Variants in HS6ST3 observed in about 807,000 individuals in gnomAD.
The protein encoded by HS6ST3 is heparan-sulfate 6-O-sulfotransferase 3.
HS6ST3 carries 12 observed loss-of-function variants against 36.7 expected under a neutral mutation model. The observed-to-expected ratio is 0.33, with a 90% CI of 0.21 to 0.53. The LOEUF is 0.53. Among genes scored for constraint, HS6ST3 ranks in the 20% least tolerant of loss-of-function variants. The probability of loss-of-function intolerance (pLI) is 0.95; values close to 1 mark genes in which losing one functional copy is unlikely to be tolerated. For synonymous variants in HS6ST3, 240 were observed against 257.5 expected (o/e 0.93, Z 0.65); for missense variants, 584 against 640.9 (o/e 0.91, Z 0.96).
intron 1 of HS6ST3, among the ~76,000 whole-genome samples, chr13:96,771,036 A>G (rs371788134): frequency 7.9e-5 from 12 of 152,216 alleles, no homozygotes; most frequent in East Asian, 5.8e-4. Context: ...AGTCTTTGCT[A>G]TTGTGAGTAG....
At position 96,090,633 on chromosome 13, in the gene HS6ST3, C is replaced by T. The variant is rs1283503597; in HGVS notation, c.-230C>T. Among the ~76,000 whole-genome samples, 1 of 146,298 alleles carries T rather than the reference C, an allele frequency of 6.8e-6. No homozygotes were observed. Among genetic ancestry groups the T allele is most frequent in the Non-Finnish European group, 1.5e-5 (1 of 65,844 alleles). Reference sequence around the variant, plus strand: ...AGCGCAGGGCGCCCCACGCCGCAGCCGCAGCCGAGCGCGCCGGCGCCCGCC... The same window carrying T: ...AGCGCAGGGCGCCCCACGCCGCAGCTGCAGCCGAGCGCGCCGGCGCCCGCC... On this transcript the variant is annotated 5_prime_UTR_variant, in exon 1 of 2. Transcript: ENST00000376705.
At chr13:96,734,304 T>C (rs189999848) in intron 1 of HS6ST3, among the ~76,000 whole-genome samples, 344 of 152,370 alleles carry the variant, frequency 2.3e-3, no homozygotes, top group Non-Finnish European at 3.2e-3. Context: ...CCTAGCTTGG[T>C]CATAGACTTT....
intron 1 of HS6ST3, among the ~76,000 whole-genome samples, chr13:96,133,130 AATT>A (rs2053984147): frequency 1.3e-5 from 2 of 151,652 alleles, no homozygotes; most frequent in African/African-American, 2.4e-5. Context: ...TTAATTAATT[AATT>A]ATTATTATTT....
At chr13:96,207,492 G>A (rs973193875) in intron 1 of HS6ST3, among the ~76,000 whole-genome samples, 12 of 151,928 alleles carry the variant, frequency 7.9e-5, no homozygotes, top group African/African-American at 2.9e-4. Flanking sequence ...ATACCCAAAG[G>A]AATAGAAATC....
chr13:96,429,041 A>G (rs1286945202), intron 1 of HS6ST3, among the ~76,000 whole-genome samples: 1 of 152,228 alleles, frequency 6.6e-6, no homozygotes, highest in Non-Finnish European at 1.5e-5. Context: ...AAGATATTTA[A>G]AGGCACAGAA....
chr13:96,332,727 A>G (rs1594755838), intron 1 of HS6ST3, among the ~76,000 whole-genome samples: 1 of 152,376 alleles, frequency 6.6e-6, no homozygotes, highest in Admixed American at 6.5e-5. Context: ...TTTGTACAGG[A>G]AATTGCTTAA....
At chr13:96,784,857 T>C (rs1437759010) in intron 1 of HS6ST3, among the ~76,000 whole-genome samples, 2 of 152,118 alleles carry the variant, frequency 1.3e-5, no homozygotes, top group Non-Finnish European at 2.9e-5. Flanking sequence ...GCTTTTAATG[T>C]AAAAATCAGT....
At chr13:96,682,902 T>C (rs1034937199) in intron 1 of HS6ST3, among the ~76,000 whole-genome samples, 1 of 152,090 alleles carries the variant, frequency 6.6e-6, no homozygotes, top group Non-Finnish European at 1.5e-5. Flanking sequence ...AGAAGCAACT[T>C]TATATGCTCC....
At chr13:96,698,826 A>C (rs932893914) in intron 1 of HS6ST3, among the ~76,000 whole-genome samples, 13 of 152,208 alleles carry the variant, frequency 8.5e-5, no homozygotes, top group East Asian at 1.9e-4. Context: ...AGCTGGAGGC[A>C]TCACGCTACC....
At chr13:96,725,113 A>G (rs1875970373) in intron 1 of HS6ST3, among the ~76,000 whole-genome samples, 2 of 152,084 alleles carry the variant, frequency 1.3e-5, no homozygotes, top group South Asian at 4.1e-4. Flanking sequence ...TTTAATTTGA[A>G]TTTTCCTAAT....
chr13:96,305,815 C>T (rs2054909494), intron 1 of HS6ST3, among the ~76,000 whole-genome samples: 1 of 148,550 alleles, frequency 6.7e-6, no homozygotes, highest in Non-Finnish European at 1.5e-5. Flanking sequence ...ATATTGTTAT[C>T]TGGGTCATTG....
intron 1 of HS6ST3, among the ~76,000 whole-genome samples, chr13:96,523,990 G>A (rs1432920463): frequency 1.3e-5 from 2 of 152,188 alleles, no homozygotes; most frequent in African/African-American, 4.8e-5. Flanking sequence ...CCTAATCTTT[G>A]TGGTTTTATC....
intron 1 of HS6ST3, among the ~76,000 whole-genome samples, chr13:96,105,652 A>G (rs1012335937): frequency 8.5e-5 from 13 of 152,074 alleles, no homozygotes; most frequent in African/African-American, 2.4e-4. Flanking sequence ...TCTGTCTCAA[A>G]AATAAAAATA....
intron 1 of HS6ST3, among the ~76,000 whole-genome samples, chr13:96,332,541 T>C (rs1420084479): frequency 1.3e-5 from 2 of 152,220 alleles, no homozygotes; most frequent in Non-Finnish European, 2.9e-5. Flanking sequence ...TTTGAAATGT[T>C]CCCTTGTTTT....
chr13:96,514,596 AGGC>A (rs1320820170), intron 1 of HS6ST3, among the ~76,000 whole-genome samples: 1 of 152,158 alleles, frequency 6.6e-6, no homozygotes, highest in Non-Finnish European at 1.5e-5. Context: ...CACAGCGAGA[AGGC>A]GGCTGCCGAC....
In HS6ST3 at chr13:96,666,472, G is replaced by A. The variant is rs113444570; in HGVS notation, c.708-166018G>A. 5.1e-4 allele frequency among the ~76,000 whole-genome samples: 78 copies of A among 151,722 alleles called. 1 individual carries two copies. Among genetic ancestry groups the A allele is most frequent in the African/African-American group, 1.7e-3 (71 of 41,376 alleles). ...CATCACATTCATGCTGTTTTTCCTCGTATAACTTTCTTTTCAATATTATTA... is the reference window on the plus strand; with the variant it reads ...CATCACATTCATGCTGTTTTTCCTCATATAACTTTCTTTTCAATATTATTA... On this transcript the variant is annotated intron_variant, in intron 1 of 1. Transcript: ENST00000376705.
intron 1 of HS6ST3, among the ~76,000 whole-genome samples, chr13:96,120,829 A>C (rs190024832): frequency 2.0e-3 from 306 of 152,352 alleles, no homozygotes; most frequent in Non-Finnish European, 3.4e-3. Flanking sequence ...ATCAGTTAAA[A>C]TGTATAAAAT....
chr13:96,731,044 G>A (rs1156510851), intron 1 of HS6ST3, among the ~76,000 whole-genome samples: 1 of 152,138 alleles, frequency 6.6e-6, no homozygotes, highest in Non-Finnish European at 1.5e-5. Context: ...GTTAAATTAA[G>A]TCAGTTAACA....
intron 1 of HS6ST3, among the ~76,000 whole-genome samples, chr13:96,360,099 G>A (rs2139435407): frequency 6.6e-6 from 1 of 152,212 alleles, no homozygotes; most frequent in African/African-American, 2.4e-5. Context: ...GCCAGCTTGG[G>A]GTGCTCCTAA....
Sources: allele counts gnomAD v4.1 joint callset (sites outside exome capture counted in the v4.1 genomes callset), GRCh38; gene constraint gnomAD v4.1.1; transcripts MANE v1.5; gene names NCBI Gene and HGNC (gene_info 2026-07-23, HGNC 2026-07-21).